The following KIZ variants were observed in gnomAD, a reference collection of about 807,000 sequenced individuals.
KIZ encodes centrosomal protein kizuna.
Under a neutral mutation model 79.6 loss-of-function variants are expected in KIZ, and 68 were observed. The ratio of observed to expected loss-of-function variants is 0.85; its 90% CI spans 0.70 to 1.05. KIZ has a LOEUF of 1.05. Among genes scored for constraint, KIZ ranks in the 50% least tolerant of loss-of-function variants. KIZ has a pLI of 0.00. For missense variants in KIZ, 797 were observed against 800.4 expected, an observed-to-expected ratio of 1.00 and a Z score of 0.05; for synonymous variants, 280 against 281.8, an observed-to-expected ratio of 0.99 and a Z score of 0.06.
At chr20:21,213,775 C>T (rs1422466282) in intron 7 of KIZ, 3 of 152,352 alleles carry the variant, frequency 2.0e-5, no homozygotes, top group East Asian at 3.9e-4. Flanking sequence ...TTTTCTCCAC[C>T]TCTAAGGTTG....
rs185896476 is a variant in KIZ, at chr20:21,162,343, G to A, written c.878G>A (p.Cys293Tyr). The change falls in exon 5 of 13, where the codon TGT becomes TAT. Residue 293 changes from cysteine (C) to tyrosine (Y), a missense_variant. Transcript: ENST00000619189. ...GAGAACAGAACCACTGATTTAAAGT[G>A]TGACAGTTCCAGCGGATCAGAGGGA... ...SPENRTTDLK[C>Y]DSSSGSEGEI... 6.2e-7 allele frequency: 1 copy of A among 1,613,986 alleles called. No individual in the cohort carries two copies. The highest frequency in any genetic ancestry group is 1.1e-5 in the South Asian group (1 of 91,090).
intron 3 of KIZ, among the ~76,000 whole-genome samples, chr20:21,143,173 G>A (rs1208787109): frequency 1.3e-5 from 2 of 152,118 alleles, no homozygotes; most frequent in Non-Finnish European, 2.9e-5. Flanking sequence ...ATACTGACTT[G>A]AGGATCAAAT....
chr20:21,143,519 CGTT>C (rs1326579619), intron 3 of KIZ, among the ~76,000 whole-genome samples: 1 of 152,168 alleles, frequency 6.6e-6, no homozygotes, highest in African/African-American at 2.4e-5. Flanking sequence ...ATCTGTTAAT[CGTT>C]GTTAACAGAT....
chr20:21,171,591 G>A (rs6082338), intron 6 of KIZ, among the ~76,000 whole-genome samples: 87,837 of 151,876 alleles, frequency 0.58, 27,048 homozygotes, highest in South Asian at 0.78. Context: ...GATTACAGGC[G>A]CGTGCCACCA....
At chr20:21,146,817 A>G (rs2032871180) in intron 4 of KIZ, among the ~76,000 whole-genome samples, 1 of 152,116 alleles carries the variant, frequency 6.6e-6, no homozygotes, top group Non-Finnish European at 1.5e-5. Flanking sequence ...TTCCTTCCTC[A>G]TAGATTAAAA....
intron 3 of KIZ, among the ~76,000 whole-genome samples, chr20:21,141,823 A>ACTCTCTCT (rs1229173337): frequency 7.0e-4 from 73 of 104,052 alleles, no homozygotes; most frequent in South Asian, 5.8e-3. Flanking sequence ...ACACACACAC[A>ACTCTCTCT]CTCTCTCTCT....
At chr20:21,149,922 T>C (rs763685838) in intron 4 of KIZ, among the ~76,000 whole-genome samples, 11 of 152,192 alleles carry the variant, frequency 7.2e-5, no homozygotes, top group Non-Finnish European at 1.0e-4. Context: ...GTAGTTTATA[T>C]GGGAGGTGGT....
chr20:21,192,668 A>G (rs1303416166), intron 6 of KIZ, among the ~76,000 whole-genome samples: 1 of 152,224 alleles, frequency 6.6e-6, no homozygotes, highest in African/African-American at 2.4e-5. Context: ...TTGTTTTGAT[A>G]TGCACAGCAC....
At chr20:21,235,772 AC>A (rs2036985077) in intron 11 of KIZ, among the ~76,000 whole-genome samples, 1 of 152,216 alleles carries the variant, frequency 6.6e-6, no homozygotes, top group Admixed American at 6.5e-5. Flanking sequence ...TCACCCCGCC[AC>A]TGTACCCTGG....
At chr20:21,161,291 T>G (rs2033641343) in intron 4 of KIZ, among the ~76,000 whole-genome samples, 1 of 152,238 alleles carries the variant, frequency 6.6e-6, no homozygotes, top group South Asian at 2.1e-4. Context: ...ATATTTTCAC[T>G]TTCCTGATGA....
intron 11 of KIZ, among the ~76,000 whole-genome samples, chr20:21,234,985 G>C (rs1472527037): frequency 6.6e-6 from 1 of 152,080 alleles, no homozygotes; most frequent in Non-Finnish European, 1.5e-5. Flanking sequence ...GAGTATTAAG[G>C]CCTTCTTTTC....
chr20:21,221,029 G>T (rs1411895365), intron 9 of KIZ, among the ~76,000 whole-genome samples: 1 of 152,138 alleles, frequency 6.6e-6, no homozygotes, highest in Non-Finnish European at 1.5e-5. Context: ...GCCCAGCTGG[G>T]CTGCTGGGAG....
intron 9 of KIZ, among the ~76,000 whole-genome samples, chr20:21,219,436 G>A (rs546090064): frequency 2.6e-5 from 4 of 152,024 alleles, no homozygotes; most frequent in Admixed American, 2.6e-4. Flanking sequence ...TCCTTCCTCA[G>A]CCTCCCAAGT....
At chr20:21,142,154 T>A (rs765106409) in intron 3 of KIZ, among the ~76,000 whole-genome samples, 3 of 152,074 alleles carry the variant, frequency 2.0e-5, no homozygotes, top group Non-Finnish European at 4.4e-5. Context: ...GCTTTAAGCA[T>A]GCTGGACAAT....
chr20:21,156,377 T>C (rs1209903711), intron 4 of KIZ, among the ~76,000 whole-genome samples: 1 of 152,230 alleles, frequency 6.6e-6, no homozygotes, highest in Non-Finnish European at 1.5e-5. Context: ...AGAATGGTAT[T>C]ACATTGTTAT....
At chr20:21,146,223 C>G (rs1354548405) in intron 4 of KIZ, among the ~76,000 whole-genome samples, 1 of 152,174 alleles carries the variant, frequency 6.6e-6, no homozygotes, top group Non-Finnish European at 1.5e-5. Context: ...AGCAGTAAAG[C>G]TCTTTTAGAT....
rs1236816926 is a variant in KIZ at position 21,130,454 on chromosome 20, C to A, written c.90-1643C>A. Reference sequence around the variant, plus strand: ...TCATTCATTCTGCATGAACCAAGTACCCAATTGATCATGAAACTCTAGGGG... The same window carrying A: ...TCATTCATTCTGCATGAACCAAGTAACCAATTGATCATGAAACTCTAGGGG... On this transcript the variant is annotated intron_variant, in intron 1 of 12. Coordinates refer to ENST00000619189, the MANE Select transcript of KIZ (RefSeq NM_018474.6). Among the ~76,000 whole-genome samples the A allele has an allele frequency of 1.1e-4, 17 of 152,230 alleles. No individual in the cohort carries two copies. The South Asian group carries it at 3.3e-3, about 30-fold the overall frequency.
At chr20:21,129,356 A>G (rs1466098089) in intron 1 of KIZ, among the ~76,000 whole-genome samples, 1 of 152,244 alleles carries the variant, frequency 6.6e-6, no homozygotes, top group Non-Finnish European at 1.5e-5. Context: ...TTCATTACTA[A>G]GAAGAACTTG....
intron 6 of KIZ, among the ~76,000 whole-genome samples, chr20:21,179,804 TTGA>T (rs1462107856): frequency 6.6e-6 from 1 of 152,214 alleles, no homozygotes; most frequent in African/African-American, 2.4e-5. Context: ...AATGTCCCTG[TTGA>T]TTTATTTTGT....
Sources: allele counts gnomAD v4.1 joint callset (sites outside exome capture counted in the v4.1 genomes callset), GRCh38; gene constraint gnomAD v4.1.1; transcripts MANE v1.5; gene names NCBI Gene and HGNC (gene_info 2026-07-23, HGNC 2026-07-21).